The following CLEC20A variants were observed in gnomAD, a reference collection of about 807,000 sequenced individuals.
CLEC20A encodes C-type lectin domain containing 20A.
intron 7 of CLEC20A, 49 bp from the exon 8 acceptor site, chr1:178,479,664 T>C: frequency 1.0e-5 from 4 of 398,244 alleles, no homozygotes; most frequent in Non-Finnish European, 4.4e-6. Flanking sequence ...TTTTACTTCA[T>C]GGTCCTCTTA....
chr1:178,490,248 T>C (rs544886719), exon 4 of CLEC20A: 47 of 398,678 alleles, frequency 1.2e-4, no homozygotes, highest in Admixed American at 8.4e-4. Flanking sequence ...GGAGTTTGCA[T>C]TGAGGTAGAG....
chr1:178,497,463 T>C (rs1466591763), upstream of CLEC20A, among the ~76,000 whole-genome samples: 1 of 152,166 alleles, frequency 6.6e-6, no homozygotes, highest in Non-Finnish European at 1.5e-5. Flanking sequence ...AGGGCCCTGC[T>C]CCACGCCCAG....
chr1:178,482,540 G>T, intron 6 of CLEC20A, 143 bp from the exon 7 acceptor site: 1 of 395,940 alleles, frequency 2.5e-6, no homozygotes, highest in East Asian at 3.6e-5. Context: ...CTGCTGAGCA[G>T]AAGAATGCTC....
intron 3 of CLEC20A, among the ~76,000 whole-genome samples, chr1:178,491,610 G>A (rs1649267883): frequency 1.3e-5 from 2 of 152,020 alleles, no homozygotes; most frequent in Non-Finnish European, 2.9e-5. Context: ...CAACCTGCCC[G>A]AACTCAGGCC....
chr1:178,489,027 C>T (rs2101870226), intron 4 of CLEC20A, among the ~76,000 whole-genome samples: 1 of 152,134 alleles, frequency 6.6e-6, no homozygotes, highest in African/African-American at 2.4e-5. Context: ...AGTTGGACAA[C>T]CTTGTGAATA....
intron 7 of CLEC20A, chr1:178,480,821 G>C (rs1203146828): frequency 1.3e-5 from 2 of 150,884 alleles, no homozygotes; most frequent in African/African-American, 2.4e-5. Context: ...ACAACATAGA[G>C]AACTCAAAAG....
chr1:178,494,929 G>C (rs913830145), intron 1 of CLEC20A, 119 bp from the exon 2 acceptor site: 5 of 397,818 alleles, frequency 1.3e-5, no homozygotes, highest in Middle Eastern at 6.3e-4. Flanking sequence ...TCTGCACTTC[G>C]CCGCTGGCCC....
chr1:178,480,824 C>T (rs1025957072), intron 7 of CLEC20A: 1 of 151,624 alleles, frequency 6.6e-6, no homozygotes, highest in African/African-American at 2.4e-5. Context: ...ACATAGAGAA[C>T]TCAAAAGTTC....
At chr1:178,481,439 G>A (rs1452749514) in intron 7 of CLEC20A, 1 of 152,134 alleles carries the variant, frequency 6.6e-6, no homozygotes, top group African/African-American at 2.4e-5. Context: ...TGGCTAAATG[G>A]TGTATAGGGT....
At chr1:178,491,357 G>C (rs1052907783) in intron 3 of CLEC20A, among the ~76,000 whole-genome samples, 1 of 152,150 alleles carries the variant, frequency 6.6e-6, no homozygotes, top group Non-Finnish European at 1.5e-5. Context: ...GATTCAAATG[G>C]AGCCTCCCAA....
chr1:178,491,162 T>C (rs1056214987), intron 3 of CLEC20A, among the ~76,000 whole-genome samples: 1 of 152,138 alleles, frequency 6.6e-6, no homozygotes, highest in Admixed American at 6.5e-5. Context: ...GGCCAGGTCC[T>C]GAGGTAGGAC....
chr1:178,497,313 C>T (rs1173327794), upstream of CLEC20A: 1 of 229,156 alleles, frequency 4.4e-6, no homozygotes, highest in Non-Finnish European at 8.4e-6. Flanking sequence ...ACTAGAACCC[C>T]TTTTCGCCAA....
intron 2 of CLEC20A, among the ~76,000 whole-genome samples, chr1:178,493,933 C>T (rs964953786): frequency 3.3e-5 from 5 of 152,234 alleles, no homozygotes; most frequent in African/African-American, 1.2e-4. Context: ...TCTATCCTGA[C>T]TTACACCCAT....
upstream of CLEC20A, among the ~76,000 whole-genome samples, chr1:178,498,770 A>T (rs1291217231): frequency 6.6e-6 from 1 of 152,176 alleles, no homozygotes; most frequent in African/African-American, 2.4e-5. Flanking sequence ...TCAGGAACAC[A>T]GTCTGGAAGG....
chr1:178,479,699 C>T (rs758142948), intron 7 of CLEC20A, 84 bp from the exon 8 acceptor site: 57 of 396,266 alleles, frequency 1.4e-4, no homozygotes, highest in East Asian at 6.4e-4. Context: ...ATCCGTATAC[C>T]CTTTATGCAT....
At chr1:178,484,834 C>T (rs941168528) in intron 5 of CLEC20A, among the ~76,000 whole-genome samples, 20 of 152,154 alleles carry the variant, frequency 1.3e-4, no homozygotes, top group African/African-American at 2.9e-4. Context: ...AAAATCAATT[C>T]GCTGTCATGT....
chr1:178,486,311 C>T (rs1649141659), intron 5 of CLEC20A: 1 of 397,732 alleles, frequency 2.5e-6, no homozygotes, highest in Non-Finnish European at 4.4e-6. Flanking sequence ...CTCTCATCCT[C>T]AACTCCCTGG....
upstream of CLEC20A, among the ~76,000 whole-genome samples, chr1:178,498,729 G>GC (rs1649456950): frequency 6.6e-6 from 1 of 152,196 alleles, no homozygotes; most frequent in Non-Finnish European, 1.5e-5. Context: ...TAGGCCCAGA[G>GC]CCCTCTCTGT....
intron 5 of CLEC20A, chr1:178,486,518 T>G (rs1000529901): frequency 2.5e-6 from 1 of 398,772 alleles, no homozygotes; most frequent in African/African-American, 2.1e-5. Context: ...GCAGTTGTCC[T>G]CTGGGTCACG....
Sources: allele counts gnomAD v4.1 joint callset (sites outside exome capture counted in the v4.1 genomes callset), GRCh38; gene constraint gnomAD v4.1.1; transcripts MANE v1.5; gene names NCBI Gene and HGNC (gene_info 2026-07-23, HGNC 2026-07-21).